CEP70: variants seen among roughly 807,000 people sequenced by gnomAD.
CEP70 encodes centrosomal protein of 70 kDa.
In CEP70, 70 loss-of-function variants were observed where a neutral mutation model predicts 90.9. That is an observed-to-expected ratio of 0.77 (90% CI 0.64 to 0.94). The LOEUF is 0.94. CEP70 is among the 40% of genes least tolerant of loss of function. The pLI, the probability that CEP70 is intolerant of heterozygous loss-of-function variation, is 0.00. For missense variants in CEP70, 648 were observed against 669.0 expected (o/e 0.97, Z 0.35); for synonymous variants, 220 against 228.3 (o/e 0.96, Z 0.33).
chr3:138,537,606 A>C (rs928097660), intron 6 of CEP70, among the ~76,000 whole-genome samples: 1 of 152,194 alleles, frequency 6.6e-6, no homozygotes, highest in African/African-American at 2.4e-5. Context: ...TTTCTTACCA[A>C]GTAAAGGAAC....
chr3:138,506,093 C>T (rs114665760), intron 12 of CEP70, among the ~76,000 whole-genome samples: 1 of 152,132 alleles, frequency 6.6e-6, no homozygotes, highest in Admixed American at 6.5e-5. Flanking sequence ...TTTGAAGAAA[C>T]TCTTCACCCT....
rs7627093 is a variant in CEP70 at position 138,546,610 on chromosome 3, G to A, written c.466-9263C>T. 2.9e-3 allele frequency among the ~76,000 whole-genome samples: 445 copies of A among 152,174 alleles called. 4 individuals carry two copies. Among genetic ancestry groups the A allele is most frequent in the African/African-American group, 1.0e-2 (415 of 41,516 alleles). ...CTGAAAATACAAAACTTAGCTGGGC[G>A]TAGTGGTGGGTGCCTGTAGTCCCAG... is the stretch of plus-strand genomic sequence containing the variant. On this transcript the variant is annotated intron_variant, in intron 6 of 17. Coordinates refer to ENST00000264982, the MANE Select transcript of CEP70 (RefSeq NM_024491.4).
chr3:138,551,673 G>A (rs933336435), intron 6 of CEP70, among the ~76,000 whole-genome samples: 1 of 151,470 alleles, frequency 6.6e-6, no homozygotes, highest in South Asian at 2.1e-4. Flanking sequence ...TTGAACCCAG[G>A]AGGCAGAGGT....
chr3:138,523,071 T>C (rs1213819657), intron 11 of CEP70, among the ~76,000 whole-genome samples: 2 of 152,172 alleles, frequency 1.3e-5, no homozygotes, highest in East Asian at 3.8e-4. Context: ...TGGTTCAACA[T>C]ACACAAATCA....
chr3:138,564,501 G>A (rs12487694), intron 6 of CEP70, among the ~76,000 whole-genome samples: 68,714 of 151,930 alleles, frequency 0.45, 17,269 homozygotes, highest in Admixed American at 0.6. Context: ...TATCCACCAC[G>A]ATCAAGTTGG....
At chr3:138,567,292 G>C (rs2040859620) in intron 6 of CEP70, among the ~76,000 whole-genome samples, 1 of 152,248 alleles carries the variant, frequency 6.6e-6, no homozygotes, top group African/African-American at 2.4e-5. Flanking sequence ...GGAAACAACT[G>C]TATACCAAAA....
intron 6 of CEP70, among the ~76,000 whole-genome samples, chr3:138,540,822 G>C (rs1358592885): frequency 1.3e-5 from 2 of 152,112 alleles, no homozygotes; most frequent in African/African-American, 4.8e-5. Context: ...ATTCACAACA[G>C]CAAAAACATG....
chr3:138,501,487 CT>C (rs1460518067), intron 13 of CEP70, among the ~76,000 whole-genome samples: 1 of 152,132 alleles, frequency 6.6e-6, no homozygotes, highest in Non-Finnish European at 1.5e-5. Flanking sequence ...AAACTATTTT[CT>C]GTTTCTATGG....
intron 17 of CEP70, chr3:138,496,260 G>C: frequency 1.0e-6 from 1 of 985,366 alleles, no homozygotes; most frequent in Non-Finnish European, 1.2e-6. Flanking sequence ...GCTGGATCTT[G>C]GTTGCTCTTC....
At chr3:138,518,029 G>C (rs2036216263) in intron 11 of CEP70, among the ~76,000 whole-genome samples, 1 of 152,228 alleles carries the variant, frequency 6.6e-6, no homozygotes, top group African/African-American at 2.4e-5. Flanking sequence ...CACACCAGGA[G>C]ATTATATCCC....
intron 6 of CEP70, among the ~76,000 whole-genome samples, chr3:138,569,016 A>C (rs1343640515): frequency 6.6e-6 from 1 of 152,036 alleles, no homozygotes; most frequent in African/African-American, 2.4e-5. Context: ...ACAAAAAAAA[A>C]CAAAGCCAAC....
intron 5 of CEP70, 116 bp downstream of exon 5, chr3:138,570,918 A>G (rs1034710354): frequency 1.2e-6 from 1 of 855,204 alleles, no homozygotes; most frequent in African/African-American, 1.8e-5. Flanking sequence ...CTACAAAAAT[A>G]TTTTTTAGTT....
intron 2 of CEP70, among the ~76,000 whole-genome samples, chr3:138,581,139 G>A (rs1288404544): frequency 6.6e-6 from 1 of 151,916 alleles, no homozygotes; most frequent in African/African-American, 2.4e-5. Context: ...ACAAAAATTA[G>A]CTGGGCATGG....
intron 2 of CEP70, among the ~76,000 whole-genome samples, chr3:138,579,103 T>C (rs2041710411): frequency 6.6e-6 from 1 of 152,152 alleles, no homozygotes; most frequent in Non-Finnish European, 1.5e-5. Flanking sequence ...CTGTGGAACT[T>C]TGCATTGAAA....
intron 17 of CEP70, chr3:138,496,727 C>A: frequency 2.0e-6 from 2 of 985,358 alleles, no homozygotes; most frequent in Non-Finnish European, 2.4e-6. Context: ...TCATGTTTGC[C>A]AGATTTAACT....
chr3:138,523,357 A>G lies in CEP70; in HGVS notation c.944+2133T>C, dbSNP rs184484243. On this transcript the variant is annotated intron_variant, in intron 11 of 17. Transcript: ENST00000264982. Reference sequence around the variant, plus strand: ...TCTCACCACTCCTATTCAACATAGTATTGGAAGTTCTGGCCAGGGCAATCA... The same window carrying G: ...TCTCACCACTCCTATTCAACATAGTGTTGGAAGTTCTGGCCAGGGCAATCA... Among the ~76,000 whole-genome samples the G allele has an allele frequency of 1.7e-3, 265 of 152,228 alleles. 1 individual carries two copies. The highest frequency in any genetic ancestry group is 1.9e-3 in the Non-Finnish European group (130 of 68,026).
At chr3:138,570,546 C>A (rs761552628) in intron 5 of CEP70, 48 bp from the exon 6 acceptor site, 9 of 1,428,264 alleles carry the variant, frequency 6.3e-6, no homozygotes, top group South Asian at 2.6e-5. Flanking sequence ...AAAAATAAAT[C>A]GAATTACCAA....
At chr3:138,507,971 C>A (rs1321044375) in intron 12 of CEP70, among the ~76,000 whole-genome samples, 3 of 152,128 alleles carry the variant, frequency 2.0e-5, no homozygotes, top group Non-Finnish European at 4.4e-5. Context: ...GGTTTAACTG[C>A]TCAGCTATTC....
At chr3:138,508,655 T>C in intron 11 of CEP70, 111 bp from the exon 12 acceptor site, 1 of 719,968 alleles carries the variant, frequency 1.4e-6, no homozygotes, top group Non-Finnish European at 2.5e-6. Flanking sequence ...TTATATCACT[T>C]TACTTATATG....
Sources: gnomAD v4.1 joint callset for allele counts (sites outside exome capture counted in the v4.1 genomes callset) on GRCh38, gnomAD v4.1.1 for gene constraint, MANE v1.5 for transcripts, NCBI Gene and HGNC (gene_info 2026-07-23, HGNC 2026-07-21) for gene names.